The following SPTBN2 variants were observed in gnomAD, a reference collection of about 807,000 sequenced individuals.
SPTBN2 encodes the protein spectrin beta, non-erythrocytic 2.
SPTBN2 carries 107 observed loss-of-function variants against 284.2 expected under a neutral mutation model. That is an observed-to-expected ratio of 0.38 (90% confidence interval 0.32 to 0.44). The LOEUF (loss-of-function observed/expected upper bound fraction) is 0.44, where lower values mean the gene tolerates loss of function less well. SPTBN2 is among the 20% of genes least tolerant of loss of function. The pLI, the probability that SPTBN2 is intolerant of heterozygous loss-of-function variation, is 1.00. For missense variants in SPTBN2, 2,569 were observed against 3,287.1 expected (o/e 0.78, Z 5.34); for synonymous variants, 1,289 against 1,354.8 (o/e 0.95, Z 1.07).
At chr11:66,734,283 C>T (rs1045730707) in intron 1 of SPTBN2, among the ~76,000 whole-genome samples, 2 of 152,206 alleles carry the variant, frequency 1.3e-5, no homozygotes, top group South Asian at 2.1e-4. Context: ...ATCTACTGTG[C>T]GGCTAGAGTA....
At chr11:66,735,108 G>A (rs1942843104) in intron 1 of SPTBN2, among the ~76,000 whole-genome samples, 1 of 152,148 alleles carries the variant, frequency 6.6e-6, no homozygotes, top group Admixed American at 6.6e-5. Context: ...TGAAGCAGGT[G>A]CATCACCTGA....
intron 1 of SPTBN2, chr11:66,744,313 G>A (rs1025435622): frequency 1.3e-5 from 2 of 152,716 alleles, no homozygotes; most frequent in African/African-American, 4.8e-5. Flanking sequence ...GGGACCCAGG[G>A]CTTGGCCTGG....
rs1447311579 is a variant in SPTBN2, at chr11:66,720,973, C to T, written c.157+111G>A. The T allele has an allele frequency of 2.1e-6, 3 of 1,441,778 alleles. No homozygotes were observed. The Admixed American group carries it at 5.9e-5, about 28-fold the overall frequency. 89.3% of individuals were successfully genotyped at this position (1,441,778 alleles called of 1,614,324 possible). On this transcript the variant is annotated intron_variant, in intron 3 of 37. Transcript: ENST00000533211. The stretch of plus-strand genomic sequence containing the variant: ...AGGGAATTGATAGAGTGCTCTGGGT[C>T]TCCCACTTAGAAAGAAAAGTCAGTC...
At chr11:66,725,360 T>C (rs140452440) in intron 1 of SPTBN2, among the ~76,000 whole-genome samples, 1 of 152,214 alleles carries the variant, frequency 6.6e-6, no homozygotes, top group Non-Finnish European at 1.5e-5. Flanking sequence ...TTGGACAATA[T>C]GCTGTGTTCT....
rs1940632464 is a variant in SPTBN2 at position 66,692,615 on chromosome 11, T to G, written c.5111A>C (p.Asp1704Ala). The change falls in exon 26 of 38, where the codon GAT (aspartate) becomes GCT (alanine). Residue 1704 changes from aspartate (D) to alanine (A), a missense_variant. Physicochemically the swap from Asp to Ala is moderately radical, Grantham distance 126. Around this residue, in one of 6 missense-constraint regions of SPTBN2, gnomAD observed 1,130 missense variants for 1,317.3 expected, o/e 0.86. Transcript: ENST00000533211. ...CTCCTGGATCCACTGTTCCAGGTCA[T>G]CCAGCTCGCGGCGGAGCTGGCACAG... ...LRLCQLRREL[D>A]DLEQWIQERE... is the part of the protein sequence containing the mutation. 3 of 1,606,760 alleles carry G rather than the reference T, an allele frequency of 1.9e-6. No homozygotes were observed. The highest frequency in any genetic ancestry group is 2.5e-6 in the Non-Finnish European group (3 of 1,179,942).
At chr11:66,717,319 G>C (rs1341845060) in intron 3 of SPTBN2, among the ~76,000 whole-genome samples, 1 of 152,142 alleles carries the variant, frequency 6.6e-6, no homozygotes, top group African/African-American at 2.4e-5. Flanking sequence ...GAGGATTTCT[G>C]CCACTTTCCC....
rs1485371472 is a variant in SPTBN2 at position 66,691,041 on chromosome 11, T to G, written c.5565+243A>C. Reference sequence around the variant, plus strand: ...CATGTTGGTCAGGCTGGTCTCGAACTCCCAATCTCAGATGATCCGCCCTCC... The same window carrying G: ...CATGTTGGTCAGGCTGGTCTCGAACGCCCAATCTCAGATGATCCGCCCTCC... On this transcript the variant is annotated intron_variant, in intron 27 of 37. Transcript: ENST00000533211. This position sits in a 1 kb window ranked among gnomAD's most constrained non-coding sequence, Gnocchi z 8.0. Among the ~76,000 whole-genome samples the G allele has an allele frequency of 6.6e-6, 1 of 152,154 alleles. No individual in the cohort carries two copies. The highest frequency in any genetic ancestry group is 1.9e-4 in the East Asian group (1 of 5,190).
rs772590586 is a variant in SPTBN2, at chr11:66,708,933, C to T, written c.1160G>A (p.Arg387His). The T allele has an allele frequency of 1.3e-5, 21 of 1,613,842 alleles. No homozygotes were observed. The highest frequency in any genetic ancestry group is 1.7e-5 in the Admixed American group (1 of 59,988). The part of the protein sequence containing the change: ...RANNQKVYTP[R>H]EGRLISDINK... Reference sequence around the variant, plus strand: ...GATGTCCGAGATGAGCCGGCCCTCGCGGGGCGTGTAGACCTTCTGGTTGTT... The same window carrying T: ...GATGTCCGAGATGAGCCGGCCCTCGTGGGGCGTGTAGACCTTCTGGTTGTT... Residue 387 changes from arginine (R) to histidine (H), a missense_variant, in exon 11 of 38, where the codon CGC becomes CAC. Coordinates refer to ENST00000533211, the MANE Select transcript of SPTBN2 (RefSeq NM_006946.4). The surrounding 1 kb of genome is among the most constrained non-coding windows in gnomAD (Gnocchi z 4.4).
chr11:66,727,175 G>A (rs913561048), intron 1 of SPTBN2, among the ~76,000 whole-genome samples: 2 of 152,046 alleles, frequency 1.3e-5, no homozygotes, highest in Admixed American at 1.3e-4. Flanking sequence ...CTTCTCCTCG[G>A]CCAATCCTTT....
At position 66,691,283 on chromosome 11, in the gene SPTBN2, C is replaced by T; in HGVS notation, c.5565+1G>A. 6.5e-7 allele frequency: 1 copy of T among 1,530,370 alleles called. No homozygotes were observed. Among genetic ancestry groups the T allele is most frequent in the East Asian group, 2.3e-5 (1 of 43,998 alleles). 94.8% of individuals were successfully genotyped at this position (1,530,370 alleles called of 1,614,324 possible). The stretch of plus-strand genomic sequence containing the variant: ...CCCACCTCCTCATGCTTGGGTCAGA[C>T]CTGGGGGCTGAGGGCCTGAATGTCA... On this transcript the variant is annotated splice_donor_variant, in intron 27 of 37. Transcript: ENST00000533211. LOFTEE classifies it high-confidence loss of function. This position sits in a 1 kb window ranked among gnomAD's most constrained non-coding sequence, Gnocchi z 8.0.
At position 66,692,517 on chromosome 11, in the gene SPTBN2, G is replaced by A; in HGVS notation, c.5190+19C>T. ...TCTTCCCACGGTTGATCTGAGCTGGGTGCCCTCCCTACACTCACAGTCACA... is the reference window on the plus strand; with the variant it reads ...TCTTCCCACGGTTGATCTGAGCTGGATGCCCTCCCTACACTCACAGTCACA... On this transcript the variant is annotated intron_variant, in intron 26 of 37. Transcript: ENST00000533211. The A allele has an allele frequency of 6.3e-7, 1 of 1,599,724 alleles. No individual in the cohort carries two copies. The highest frequency in any genetic ancestry group is 8.5e-7 in the Non-Finnish European group (1 of 1,179,812).
Position 66,683,044 on chromosome 11 carries a change from A to G in SPTBN2, c.*2827T>C, listed in dbSNP as rs118106024. On this transcript the variant is annotated 3_prime_UTR_variant, in exon 38 of 38. Transcript: ENST00000533211. ...GCTGGGATTATAAGCGTGAACCACC[A>G]TGCCTGGCCAAGTAATCCATTTTTT... Among the ~76,000 whole-genome samples, 3,758 of 145,360 alleles carry G rather than the reference A, an allele frequency of 0.026. 59 individuals are homozygous for G. The highest frequency in any genetic ancestry group is 0.1 in the Middle Eastern group (26 of 258).
intron 3 of SPTBN2, among the ~76,000 whole-genome samples, chr11:66,720,115 TA>T (rs763699772): frequency 5.9e-5 from 9 of 152,138 alleles, no homozygotes; most frequent in Non-Finnish European, 1.0e-4. Flanking sequence ...CCTGTATTTG[TA>T]AAAAACATCC....
In SPTBN2 at chr11:66,687,110, A is replaced by G. The variant is rs770831342; in HGVS notation, c.6780T>C (p.Asp2260=). The G allele has an allele frequency of 1.2e-5, 20 of 1,613,914 alleles. No individual in the cohort carries two copies. In the East Asian group the frequency reaches 3.6e-4, roughly 29 times the overall value. Residue 2260 remains aspartate, a synonymous_variant, in exon 36 of 38, where the codon GAT becomes GAC. Coordinates refer to ENST00000533211, the MANE Select transcript of SPTBN2 (RefSeq NM_006946.4). The surrounding 1 kb of genome is among the most constrained non-coding windows in gnomAD (Gnocchi z 5.2). ...GCACTCCCGCGCTGGCTGCCTTGGC[A>G]TCCTTGTAAAAGCCGAGGCTCCCAC... ...LRRGSLGFYK[D]AKAASAGVPY...
At chr11:66,690,486 G>A in intron 27 of SPTBN2, 1 of 662,320 alleles carries the variant, frequency 1.5e-6, no homozygotes, top group Non-Finnish European at 2.5e-6. Context: ...AGACACCTGG[G>A]CTTAACTGGG....
Position 66,705,410 on chromosome 11 carries a change from G to A in SPTBN2, c.1866C>T (p.Ser622=). 6.2e-7 allele frequency: 1 copy of A among 1,613,058 alleles called. No individual in the cohort carries two copies. The highest frequency in any genetic ancestry group is 8.5e-7 in the Non-Finnish European group (1 of 1,180,026). The change falls in exon 15 of 38, where the codon AGC becomes AGT. Residue 622 remains serine, a synonymous_variant. Coordinates refer to ENST00000533211, the MANE Select transcript of SPTBN2 (RefSeq NM_006946.4). ...CTGCCAACTCGCACAGTGCCTCATA[G>A]CTCTGCTCTAGCTTGGCCACCCGCT... The part of the protein sequence containing the change: ...VSERVAKLEQ[S]YEALCELAAA...
chr11:66,729,778 CAGTT>C (rs1942770529), upstream of SPTBN2, among the ~76,000 whole-genome samples: 1 of 152,110 alleles, frequency 6.6e-6, no homozygotes, highest in Non-Finnish European at 1.5e-5. Flanking sequence ...GTGTACCTCA[CAGTT>C]AGCTGCATTT....
Position 66,710,026 on chromosome 11 carries a change from A to G in SPTBN2, c.1073+556T>C, listed in dbSNP as rs1295105667. ...GGATCGCACTGACTCAACACATCAT[A>G]GCAATCATTTCCACAGCATGTTTGT... On this transcript the variant is annotated intron_variant, in intron 10 of 37. Coordinates refer to ENST00000533211, the MANE Select transcript of SPTBN2 (RefSeq NM_006946.4). The surrounding 1 kb of genome is among the most constrained non-coding windows in gnomAD (Gnocchi z 4.9). 6.6e-6 allele frequency among the ~76,000 whole-genome samples: 1 copy of G among 152,190 alleles called. No individual in the cohort carries two copies. The highest frequency in any genetic ancestry group is 1.9e-4 in the East Asian group (1 of 5,194).
intron 1 of SPTBN2, among the ~76,000 whole-genome samples, chr11:66,738,850 TG>T (rs977849174): frequency 4.0e-5 from 6 of 150,648 alleles, no homozygotes; most frequent in African/African-American, 1.5e-4. Context: ...CTCACTCTGT[TG>T]CCCAGGCTGG....
Sources: gnomAD v4.1 joint callset for allele counts (sites outside exome capture counted in the v4.1 genomes callset) on GRCh38, gnomAD v4.1.1 for gene constraint, gnomAD v4.1.1 regional missense constraint, Gnocchi (gnomAD v3.1) non-coding constraint, MANE v1.5 for transcripts, NCBI Gene and HGNC (gene_info 2026-07-23, HGNC 2026-07-21) for gene names.